The following RBFOX1 variants were observed in gnomAD, a reference collection of about 807,000 sequenced individuals.
RBFOX1 encodes the protein RNA binding protein fox-1 homolog 1.
RBFOX1 carries 8 observed loss-of-function variants against 57.7 expected under a neutral mutation model. The ratio of observed to expected loss-of-function variants is 0.14; its 90% CI spans 0.08 to 0.25. The LOEUF (loss-of-function observed/expected upper bound fraction) is 0.25. RBFOX1 is among the 10% of genes least tolerant of loss of function. The probability of loss-of-function intolerance (pLI) is 1.00; values close to 1 mark genes in which losing one functional copy is unlikely to be tolerated. For synonymous variants in RBFOX1, 326 were observed against 222.4 expected, an observed-to-expected ratio of 1.47 and a Z score of -4.15; for missense variants, 611 against 548.5, an observed-to-expected ratio of 1.11 and a Z score of -1.14.
chr16:6,596,926 G>A (rs183564075), intron 2 of RBFOX1, among the ~76,000 whole-genome samples: 6 of 152,220 alleles, frequency 3.9e-5, no homozygotes, highest in Admixed American at 2.0e-4. Context: ...CACACACACA[G>A]CATTAAGTTA....
intron 3 of RBFOX1, among the ~76,000 whole-genome samples, chr16:6,696,451 T>A (rs541259808): frequency 6.6e-6 from 1 of 152,212 alleles, no homozygotes; most frequent in Admixed American, 6.5e-5. Context: ...GAAATAAATA[T>A]AATCTTTGAA....
intron 4 of RBFOX1, among the ~76,000 whole-genome samples, chr16:7,300,972 T>C (rs531016202): frequency 4.6e-5 from 7 of 152,322 alleles, no homozygotes; most frequent in African/African-American, 1.7e-4. Flanking sequence ...AGAATTTTTT[T>C]TTGTGGAGAG....
intron 12 of RBFOX1, among the ~76,000 whole-genome samples, chr16:7,657,510 G>T (rs2066606078): frequency 6.6e-6 from 1 of 152,148 alleles, no homozygotes; most frequent in South Asian, 2.1e-4. Flanking sequence ...TCACCATTTT[G>T]GCCAGGCTGG....
At chr16:6,804,589 T>C (rs1008645152) in intron 3 of RBFOX1, among the ~76,000 whole-genome samples, 1 of 152,162 alleles carries the variant, frequency 6.6e-6, no homozygotes, top group Non-Finnish European at 1.5e-5. Context: ...GGAAGATTGA[T>C]TGGATTAATA....
chr16:5,683,286 T>C (rs1332393667), intron 3 of RBFOX1, among the ~76,000 whole-genome samples: 1 of 152,154 alleles, frequency 6.6e-6, no homozygotes, highest in Admixed American at 6.6e-5. Context: ...TCCTTGCCAA[T>C]GCCCAGGTTT....
rs200999396 is a variant in RBFOX1, at chr16:6,703,041, C to A, written c.-16+48391C>A. The stretch of plus-strand genomic sequence containing the variant: ...TGGCCCTTGTCCTTTGGTATCTGGC[C>A]TATCTCACTTGCCTCAAGGTTTATG... On this transcript the variant is annotated intron_variant, in intron 3 of 15. Coordinates refer to ENST00000550418, the MANE Select transcript of RBFOX1 (RefSeq NM_018723.4). Among the ~76,000 whole-genome samples, 3 of 152,308 alleles carry A rather than the reference C, an allele frequency of 2.0e-5. No individual in the cohort carries two copies. The South Asian group carries it at 6.2e-4, about 32-fold the overall frequency.
intron 4 of RBFOX1, among the ~76,000 whole-genome samples, chr16:7,386,387 AC>A (rs1385160202): frequency 1.5e-5 from 1 of 64,854 alleles, no homozygotes; most frequent in African/African-American, 5.5e-5. Context: ...CCCAGCCCCC[AC>A]CCCCCAACAG....
intron 4 of RBFOX1, among the ~76,000 whole-genome samples, chr16:7,214,203 A>T (rs2091643413): frequency 6.6e-6 from 1 of 152,158 alleles, no homozygotes; most frequent in African/African-American, 2.4e-5. Flanking sequence ...TTATCCTAGG[A>T]TATGTCACCC....
At chr16:6,805,255 T>G (rs1385208645) in intron 3 of RBFOX1, among the ~76,000 whole-genome samples, 1 of 152,130 alleles carries the variant, frequency 6.6e-6, no homozygotes, top group African/African-American at 2.4e-5. Context: ...GGATGGAGCT[T>G]GAGGCCATTT....
chr16:5,251,521 G>A (rs548794694), intron 1 of RBFOX1, among the ~76,000 whole-genome samples: 1 of 152,236 alleles, frequency 6.6e-6, no homozygotes, highest in African/African-American at 2.4e-5. Flanking sequence ...GAGTGGCAGG[G>A]TCAGAGACTG....
chr16:7,366,351 C>G (rs1281537819), intron 4 of RBFOX1, among the ~76,000 whole-genome samples: 1 of 152,202 alleles, frequency 6.6e-6, no homozygotes, highest in Non-Finnish European at 1.5e-5. Flanking sequence ...GGCACGGCAC[C>G]TAGAGAGGAA....
intron 4 of RBFOX1, among the ~76,000 whole-genome samples, chr16:7,303,996 T>A (rs1205256578): frequency 3.3e-5 from 5 of 151,642 alleles, no homozygotes; most frequent in Non-Finnish European, 2.9e-5. Context: ...CCTTCCACTT[T>A]CCGGGGGATC....
chr16:7,016,114 A>G (rs995660113), intron 3 of RBFOX1, among the ~76,000 whole-genome samples: 26 of 152,268 alleles, frequency 1.7e-4, no homozygotes, highest in African/African-American at 6.3e-4. Context: ...AAAGTTCATC[A>G]CTTCTGGGAC....
intron 2 of RBFOX1, among the ~76,000 whole-genome samples, chr16:6,392,118 G>T (rs913282911): frequency 2.0e-5 from 3 of 152,176 alleles, no homozygotes; most frequent in Non-Finnish European, 4.4e-5. Context: ...GAGTGACTCT[G>T]TTCTATGGCC....
intron 1 of RBFOX1, among the ~76,000 whole-genome samples, chr16:5,464,674 C>G (rs1567550250): frequency 1.3e-5 from 2 of 152,346 alleles, no homozygotes; most frequent in South Asian, 2.1e-4. Flanking sequence ...CATCATGTCT[C>G]CAGCATTCAG....
intron 3 of RBFOX1, among the ~76,000 whole-genome samples, chr16:5,816,803 C>A (rs1023315093): frequency 1.3e-5 from 2 of 152,070 alleles, no homozygotes; most frequent in African/African-American, 2.4e-5. Flanking sequence ...TTATATAGCC[C>A]TAGATCTAGG....
rs189233913 is a variant in RBFOX1, at chr16:6,558,884, A to T, written c.-63-95719A>T. Among the ~76,000 whole-genome samples the T allele has an allele frequency of 3.9e-3, 583 of 150,732 alleles. 9 individuals are homozygous for T. Among genetic ancestry groups the T allele is most frequent in the African/African-American group, 0.013 (544 of 40,996 alleles). ...TCCTCCTGAGTGGGACGTTGTGAGC[A>T]TTCTGCTCCCTCTGTCTGGAATGTG... On this transcript the variant is annotated intron_variant, in intron 2 of 15. Coordinates refer to ENST00000550418, the MANE Select transcript of RBFOX1 (RefSeq NM_018723.4).
At chr16:6,095,202 A>T (rs1016109537) in intron 1 of RBFOX1, among the ~76,000 whole-genome samples, 1 of 152,232 alleles carries the variant, frequency 6.6e-6, no homozygotes, top group Non-Finnish European at 1.5e-5. Context: ...TAAAGTTTAA[A>T]TAAACAGGTG....
chr16:6,808,682 G>T (rs2087585512), intron 3 of RBFOX1, among the ~76,000 whole-genome samples: 1 of 152,108 alleles, frequency 6.6e-6, no homozygotes, highest in East Asian at 1.9e-4. Flanking sequence ...ATGGTATACA[G>T]TGAAGAGTAA....
Sources: allele counts gnomAD v4.1 joint callset (sites outside exome capture counted in the v4.1 genomes callset), GRCh38; gene constraint gnomAD v4.1.1; transcripts MANE v1.5; gene names NCBI Gene and HGNC (gene_info 2026-07-23, HGNC 2026-07-21).